Variants in MICALL2 observed in about 807,000 individuals in gnomAD.
MICALL2 encodes the protein MICAL-like protein 2.
MICALL2 carries 111 observed loss-of-function variants against 91.1 expected under a neutral mutation model. The ratio of observed to expected loss-of-function variants is 1.22; its 90% CI spans 1.04 to 1.43. The LOEUF (loss-of-function observed/expected upper bound fraction) is 1.43. Ranked by LOEUF, MICALL2 falls within the 40% of genes most tolerant of loss-of-function variation. MICALL2 has a pLI of 0.00. For missense variants in MICALL2, 1,556 were observed against 1,236.0 expected (o/e 1.26, Z -3.88); for synonymous variants, 694 against 525.3 (o/e 1.32, Z -4.39).
At position 1,451,044 on chromosome 7, in the gene MICALL2, G is replaced by A. The variant is rs1241077611; in HGVS notation, c.144-756C>T. On this transcript the variant is annotated intron_variant, in intron 1 of 16. Transcript: ENST00000297508. This position sits in a 1 kb window ranked among gnomAD's most constrained non-coding sequence, Gnocchi z 4.5. ...TGAGGTTACATGGTTCTCTCTTTGG[G>A]TGGTGGAGTGCCTTCCCAGGTGCTC... Among the ~76,000 whole-genome samples, 1 of 152,170 alleles carries A rather than the reference G, an allele frequency of 6.6e-6. No homozygotes were observed. The highest frequency in any genetic ancestry group is 2.4e-5 in the African/African-American group (1 of 41,440).
At chr7:1,436,082 A>C (rs114860310) in intron 15 of MICALL2, among the ~76,000 whole-genome samples, 5,011 of 150,180 alleles carry the variant, frequency 0.033, 303 homozygotes, top group African/African-American at 0.12. Context: ...ACAAAACAAA[A>C]CAAACAAAAA....
rs752659144 is a variant in MICALL2, at chr7:1,440,105, T to C, written c.1806-20A>G. On this transcript the variant is annotated intron_variant, in intron 8 of 16. Coordinates refer to ENST00000297508, the MANE Select transcript of MICALL2 (RefSeq NM_182924.4). ...AGAGTCCTGGGCAGAAGGCATGAGG[T>C]CGGAACCCGAACCACCAGCCCCAGG... The C allele has an allele frequency of 6.4e-7, 1 of 1,574,696 alleles. No homozygotes were observed. Among genetic ancestry groups the C allele is most frequent in the South Asian group, 1.2e-5 (1 of 84,702 alleles).
intron 15 of MICALL2, among the ~76,000 whole-genome samples, chr7:1,435,351 C>T (rs991533846): frequency 6.6e-6 from 1 of 152,168 alleles, no homozygotes; most frequent in Non-Finnish European, 1.5e-5. Flanking sequence ...GCCAGCCCCT[C>T]AACAGTGACA....
intron 14 of MICALL2, 176 bp from the exon 15 acceptor site, chr7:1,437,032 C>T (rs190061140): frequency 1.7e-4 from 88 of 520,758 alleles, no homozygotes; most frequent in East Asian, 1.0e-3. Flanking sequence ...GGAACGGCCA[C>T]GTCAGAGCCC....
chr7:1,438,027 G>A (rs1233788711), intron 12 of MICALL2, 47 bp from the exon 13 acceptor site: 1 of 1,555,234 alleles, frequency 6.4e-7, no homozygotes, highest in South Asian at 1.2e-5. Flanking sequence ...CAGAGTTCAT[G>A]GCCCCCAGCC....
intron 7 of MICALL2, chr7:1,440,908 G>T (rs1051544784): frequency 1.3e-5 from 7 of 538,998 alleles, no homozygotes; most frequent in Non-Finnish European, 2.4e-5. Context: ...AGCTCTCCCT[G>T]CCTCTGGGCC....
At chr7:1,458,064 C>A (rs1435765212) in intron 1 of MICALL2, among the ~76,000 whole-genome samples, 1 of 152,274 alleles carries the variant, frequency 6.6e-6, no homozygotes, top group African/African-American at 2.4e-5. Flanking sequence ...CAAATGGAAG[C>A]CCCTGGTGGC....
rs911817376 is a variant in MICALL2, at chr7:1,434,767, C to T, written c.2639-95G>A. On this transcript the variant is annotated intron_variant, in intron 16 of 16. Coordinates refer to ENST00000297508, the MANE Select transcript of MICALL2 (RefSeq NM_182924.4). ...CCCTGCCAGAAACATCCTTCCCTTC[C>T]ACTGGCCACAATCCGCCCTGGGCCT... 3 of 1,297,436 alleles carry T rather than the reference C, an allele frequency of 2.3e-6. No individual in the cohort carries two copies. In the African/African-American group the frequency reaches 4.4e-5, roughly 19 times the overall value. The allele number at this position is 1,297,436 out of a possible 1,614,324, so 80.4% of individuals were successfully genotyped here.
At position 1,440,618 on chromosome 7, in the gene MICALL2, G is replaced by A. The variant is rs1780235698; in HGVS notation, c.1778C>T (p.Pro593Leu). Residue 593 changes from proline (P) to leucine (L), a missense_variant, in exon 8 of 17, where the codon CCC (proline) becomes CTC (leucine). Transcript: ENST00000297508. The stretch of plus-strand genomic sequence containing the variant: ...CTCAGCTGGGCTTCTCCTGTCCACG[G>A]GCTTCAGATTCGCTCTCCATCCTGC... Reference protein sequence around the residue: ...GPAGWRANLKPVDRRSPAERT... With the variant: ...GPAGWRANLKLVDRRSPAERT... The A allele has an allele frequency of 2.5e-6, 4 of 1,612,760 alleles. No individual in the cohort carries two copies. Among genetic ancestry groups the A allele is most frequent in the Non-Finnish European group, 3.4e-6 (4 of 1,179,942 alleles).
chr7:1,445,533 G>T (rs566611916), intron 5 of MICALL2, 105 bp from the exon 6 acceptor site: 2 of 1,179,150 alleles, frequency 1.7e-6, no homozygotes, highest in Non-Finnish European at 2.3e-6. Flanking sequence ...GTGTCCACTT[G>T]CGAGGTTGCT....
In MICALL2 at chr7:1,459,290, G is replaced by A. The variant is rs1474544821; in HGVS notation, c.37C>T (p.Gln13Ter). ...ACGTCGCGGTAGCCCTCGCACTGCT[G>A]CCGGCACCACTGTTGCAGCGCCCTG... Reference protein sequence around the residue: ...AIRALQQWCRQQCEGYRDVNI... With the variant: ...AIRALQQWCR The change falls in exon 1 of 17, where the codon CAG becomes TAG. Residue 13 changes from glutamine to a stop codon, truncating the protein, a stop_gained. Transcript: ENST00000297508. LOFTEE classifies it high-confidence loss of function. The A allele has an allele frequency of 6.9e-6, 11 of 1,601,034 alleles. No individual in the cohort carries two copies. The highest frequency in any genetic ancestry group is 2.3e-5 in the East Asian group (1 of 43,892).
At chr7:1,446,893 C>T in intron 4 of MICALL2, 65 bp from the exon 5 acceptor site, 1 of 1,176,220 alleles carries the variant, frequency 8.5e-7, no homozygotes, top group Admixed American at 2.3e-5. Flanking sequence ...GGTGGCAGCC[C>T]ACAGGTGGCC....
chr7:1,448,835 G>C lies in MICALL2; in HGVS notation c.193-74C>G. On this transcript the variant is annotated intron_variant, in intron 2 of 16. Coordinates refer to ENST00000297508, the MANE Select transcript of MICALL2 (RefSeq NM_182924.4). ...TCTCCACCAGGCCGCAGCTCACCTC[G>C]ACTCAAAGACACAGTCTTGGAGCCC... The C allele has an allele frequency of 1.9e-6, 3 of 1,559,424 alleles. No individual in the cohort carries two copies. In the African/African-American group the frequency reaches 4.1e-5, roughly 21 times the overall value.
chr7:1,447,347 A>C (rs929098988), intron 4 of MICALL2, among the ~76,000 whole-genome samples: 9 of 151,858 alleles, frequency 5.9e-5, no homozygotes, highest in African/African-American at 2.2e-4. Flanking sequence ...GCTCTGTCCC[A>C]CCTTTGTGCT....
At chr7:1,455,635 T>C (rs1584237303) in intron 1 of MICALL2, among the ~76,000 whole-genome samples, 1 of 150,498 alleles carries the variant, frequency 6.6e-6, no homozygotes, top group Admixed American at 6.6e-5. Context: ...CCCCGCCCCC[T>C]CCACCCGGGG....
intron 5 of MICALL2, among the ~76,000 whole-genome samples, chr7:1,446,060 G>T (rs1399262796): frequency 7.0e-6 from 1 of 143,760 alleles, no homozygotes; most frequent in African/African-American, 2.6e-5. Context: ...GGCACTGGGG[G>T]ACACTGGGGC....
chr7:1,450,226 C>A lies in MICALL2; in HGVS notation c.192+14G>T, dbSNP rs200145819. The A allele has an allele frequency of 6.2e-4, 1,001 of 1,610,602 alleles. 5 individuals carry two copies. Among genetic ancestry groups the A allele is most frequent in the South Asian group, 1.2e-3 (110 of 91,016 alleles). On this transcript the variant is annotated intron_variant, in intron 2 of 16. Transcript: ENST00000297508. ...GGCTAAGCCAGCTGTGAGGCCGGGG[C>A]GGGGGCCACTCACCAGTTTATTGTT... is the stretch of plus-strand genomic sequence containing the variant.
At chr7:1,446,934 G>A in intron 4 of MICALL2, 106 bp from the exon 5 acceptor site, 3 of 801,814 alleles carry the variant, frequency 3.7e-6, no homozygotes, top group Non-Finnish European at 3.9e-6. Context: ...TGGAGAACTG[G>A]CCAGGAGAGG....
chr7:1,444,422 C>T lies in MICALL2; in HGVS notation c.1418+230G>A, dbSNP rs572377693. On this transcript the variant is annotated intron_variant, in intron 6 of 16. Transcript: ENST00000297508. ...GCACCCATGACGCCCCGAGCACATG[C>T]GGACAGCAGCTTTTCCATAAGGACC... is the stretch of plus-strand genomic sequence containing the variant. Among the ~76,000 whole-genome samples the T allele has an allele frequency of 1.6e-4, 25 of 152,302 alleles. No individual in the cohort carries two copies. The East Asian group carries it at 2.1e-3, about 13-fold the overall frequency.
Sources: gnomAD v4.1 joint callset for allele counts (sites outside exome capture counted in the v4.1 genomes callset) on GRCh38, gnomAD v4.1.1 for gene constraint, Gnocchi (gnomAD v3.1) non-coding constraint, MANE v1.5 for transcripts, NCBI Gene and HGNC (gene_info 2026-07-23, HGNC 2026-07-21) for gene names.